The following BRWD3 variants were observed in gnomAD, a reference collection of about 807,000 sequenced individuals.
The protein encoded by BRWD3 is bromodomain and WD repeat-containing protein 3.
Under a neutral mutation model 149.7 loss-of-function variants are expected in BRWD3, and 10 were observed. The observed-to-expected ratio is 0.07, with a 90% confidence interval of 0.04 to 0.11. The LOEUF (loss-of-function observed/expected upper bound fraction) is 0.11, where lower values mean the gene tolerates loss of function less well. BRWD3 is among the 10% of genes least tolerant of loss of function. The probability of loss-of-function intolerance (pLI) is 1.00; values close to 1 mark genes in which losing one functional copy is unlikely to be tolerated. For missense variants in BRWD3, 940 were observed against 1,373.2 expected (o/e 0.68, Z 4.99); for synonymous variants, 504 against 456.7 (o/e 1.10, Z -1.32).
chrX:80,675,819 T>C lies in BRWD3; in HGVS notation c.*790A>G, dbSNP rs2072359364. The C allele has an allele frequency of 8.9e-6, 1 of 111,906 alleles. No homozygotes were observed. The highest frequency in any genetic ancestry group is 9.5e-5 in the Admixed American group (1 of 10,528). 9.2% of individuals were successfully genotyped at this position (111,906 alleles called of 1,213,427 possible). On this transcript the variant is annotated 3_prime_UTR_variant, in exon 41 of 41. Transcript: ENST00000373275. ...GGAAAAAAATTGATGCGGGAAACTTTTGCATTTGGCACCTTGTCTAGATTG... is the reference window on the plus strand; with the variant it reads ...GGAAAAAAATTGATGCGGGAAACTTCTGCATTTGGCACCTTGTCTAGATTG...
At chrX:80,784,702 T>C (rs2074090968) in intron 6 of BRWD3, among the ~76,000 whole-genome samples, 1 of 112,213 alleles carries the variant, frequency 8.9e-6, no homozygotes, top group African/African-American at 3.2e-5. Context: ...TCCATGTCCC[T>C]GCAAAGGACG....
At chrX:80,789,074 T>C (rs2074147268) in intron 6 of BRWD3, among the ~76,000 whole-genome samples, 2 of 112,048 alleles carry the variant, frequency 1.8e-5, no homozygotes, top group South Asian at 3.7e-4. Context: ...AATATCCTAA[T>C]ACAGTTGACT....
At chrX:80,684,701 T>C (rs1215916131) in intron 36 of BRWD3, among the ~76,000 whole-genome samples, 1 of 111,573 alleles carries the variant, frequency 9.0e-6, no homozygotes, top group Non-Finnish European at 1.9e-5. Context: ...TTCCATCTTA[T>C]AGGTCCATAA....
At chrX:80,763,693 C>T (rs769838622) in intron 6 of BRWD3, among the ~76,000 whole-genome samples, 1 of 111,743 alleles carries the variant, frequency 8.9e-6, no homozygotes, top group African/African-American at 3.2e-5. Context: ...CACAGTATCT[C>T]TATCCTGGAA....
At chrX:80,744,681 T>C (rs2073566118) in intron 7 of BRWD3, among the ~76,000 whole-genome samples, 1 of 112,246 alleles carries the variant, frequency 8.9e-6, no homozygotes, top group Admixed American at 9.5e-5. Flanking sequence ...TACCCGTTAA[T>C]GATAATTTCT....
intron 6 of BRWD3, among the ~76,000 whole-genome samples, chrX:80,753,426 C>T (rs1256705165): frequency 9.1e-6 from 1 of 109,957 alleles, no homozygotes; most frequent in African/African-American, 3.3e-5. Context: ...GCTGCCACCA[C>T]GTCTAGCTAA....
intron 3 of BRWD3, among the ~76,000 whole-genome samples, 162 bp from the exon 4 acceptor site, chrX:80,808,760 T>TGGG (rs57997309): frequency 4.0e-5 from 1 of 25,023 alleles, no homozygotes; most frequent in African/African-American, 1.4e-4. Flanking sequence ...GACAAGTATA[T>TGGG]GGGGGGGGGG....
chrX:80,739,525 T>C (rs2073453547), intron 8 of BRWD3, among the ~76,000 whole-genome samples: 1 of 110,395 alleles, frequency 9.1e-6, no homozygotes, highest in African/African-American at 3.3e-5. Flanking sequence ...GATAGAGAGG[T>C]CTACAGATCT....
chrX:80,743,497 T>C (rs991643736), intron 8 of BRWD3, among the ~76,000 whole-genome samples: 2 of 111,808 alleles, frequency 1.8e-5, no homozygotes, highest in Non-Finnish European at 3.8e-5. Context: ...GCACCTCTGG[T>C]AGAATTCGGC....
chrX:80,743,811 A>C (rs2073553639), intron 8 of BRWD3: 1 of 384,070 alleles, frequency 2.6e-6, no homozygotes, highest in Non-Finnish European at 4.5e-6. Flanking sequence ...CACTCTATTT[A>C]TAGAACTTTT....
At chrX:80,736,341 T>C (rs989432966) in intron 8 of BRWD3, among the ~76,000 whole-genome samples, 2 of 111,747 alleles carry the variant, frequency 1.8e-5, no homozygotes, top group Non-Finnish European at 3.8e-5. Flanking sequence ...AAAATTACTT[T>C]TAAATTATTT....
chrX:80,728,779 G>T lies in BRWD3; in HGVS notation c.1359C>A (p.Ile453=), dbSNP rs767857242. ...NNFLLKVWNS[I]TGQLLHTLSG... The stretch of plus-strand genomic sequence containing the variant: ...ATAATGTATGAAGAAGCTGTCCTGT[G>T]ATAGAATTCCACACTTTCAAAAGAA... The change falls in exon 14 of 41, where the codon ATC becomes ATA. Residue 453 remains isoleucine (I), a synonymous_variant. Coordinates refer to ENST00000373275, the MANE Select transcript of BRWD3 (RefSeq NM_153252.5). The T allele has an allele frequency of 8.3e-7, 1 of 1,205,735 alleles. No homozygotes were observed. The highest frequency in any genetic ancestry group is 1.8e-5 in the South Asian group (1 of 56,601).
At chrX:80,770,258 A>C (rs934603070) in intron 6 of BRWD3, among the ~76,000 whole-genome samples, 3 of 111,834 alleles carry the variant, frequency 2.7e-5, no homozygotes, top group African/African-American at 9.8e-5. Flanking sequence ...TTATGAGGCC[A>C]ACATCAGCTT....
intron 6 of BRWD3, among the ~76,000 whole-genome samples, chrX:80,783,398 A>T (rs1165660422): frequency 9.2e-6 from 1 of 109,234 alleles, no homozygotes; most frequent in Non-Finnish European, 1.9e-5. Context: ...AAAAAAAAAA[A>T]AAAATCCAAA....
Position 80,728,827 on chromosome X carries a change from T to C in BRWD3, c.1311A>G (p.Thr437=). 1 of 1,204,702 alleles carries C rather than the reference T, an allele frequency of 8.3e-7. No individual in the cohort carries two copies. Among genetic ancestry groups the C allele is most frequent in the Non-Finnish European group, 1.1e-6 (1 of 888,992 alleles). ...GAAAATTGTTCACTGCAGTAATAAC[T>C]GTGGTATCATAGCGATCCCAGGCCA... The part of the protein sequence containing the change: ...TMVAWDRYDT[T]VITAVNNFLL... Residue 437 remains threonine (T), a synonymous_variant, in exon 14 of 41, where the codon ACA becomes ACG. Coordinates refer to ENST00000373275, the MANE Select transcript of BRWD3 (RefSeq NM_153252.5).
intron 20 of BRWD3, among the ~76,000 whole-genome samples, chrX:80,713,139 A>G (rs1422933580): frequency 3.3e-5 from 3 of 90,254 alleles, no homozygotes; most frequent in South Asian, 1.1e-3. Context: ...GGCCGCCCCT[A>G]CTGGGAAGTG....
intron 6 of BRWD3, among the ~76,000 whole-genome samples, chrX:80,767,702 C>T (rs1184963969): frequency 3.6e-5 from 4 of 111,809 alleles, no homozygotes; most frequent in Non-Finnish European, 1.9e-5. Context: ...TCGCCAGCAA[C>T]AGAACAAAGC....
At chrX:80,798,192 G>A (rs889219434) in intron 4 of BRWD3, among the ~76,000 whole-genome samples, 2 of 111,827 alleles carry the variant, frequency 1.8e-5, no homozygotes, top group Non-Finnish European at 3.8e-5. Flanking sequence ...AATCTTTTGA[G>A]TTTAAACATG....
intron 31 of BRWD3, 133 bp downstream of exon 31, chrX:80,690,920 T>A: frequency 1.3e-6 from 1 of 775,372 alleles, no homozygotes; most frequent in Non-Finnish European, 1.9e-6. Context: ...ATTAATGTTC[T>A]AAATTTTTAA....
Sources: gnomAD v4.1 joint callset for allele counts (sites outside exome capture counted in the v4.1 genomes callset) on GRCh38, gnomAD v4.1.1 for gene constraint, MANE v1.5 for transcripts, NCBI Gene and HGNC (gene_info 2026-07-23, HGNC 2026-07-21) for gene names.